The following TTC34 variants were observed in gnomAD, a reference collection of about 807,000 sequenced individuals.
The protein encoded by TTC34 is tetratricopeptide repeat protein 34.
Under a neutral mutation model 40.7 loss-of-function variants are expected in TTC34, and 44 were observed. That is an observed-to-expected ratio of 1.08 (90% CI 0.85 to 1.39). TTC34 has a LOEUF of 1.39. Ranked by LOEUF, TTC34 falls within the 40% of genes most tolerant of loss-of-function variation. The probability of loss-of-function intolerance (pLI) is 0.00; values close to 1 mark genes in which losing one functional copy is unlikely to be tolerated. For synonymous variants in TTC34, 422 were observed against 398.6 expected, an observed-to-expected ratio of 1.06 and a Z score of -0.70; for missense variants, 884 against 838.0, an observed-to-expected ratio of 1.05 and a Z score of -0.68.
chr1:2,690,421 C>A (rs1640564561), intron 6 of TTC34, among the ~76,000 whole-genome samples: 4 of 148,550 alleles, frequency 2.7e-5, no homozygotes, highest in African/African-American at 9.7e-5. Flanking sequence ...AACCCAGAAC[C>A]CCAGGCGAGC....
intron 6 of TTC34, among the ~76,000 whole-genome samples, chr1:2,757,840 G>T (rs1251654140): frequency 0.16 from 19,964 of 127,704 alleles, 907 homozygotes; most frequent in African/African-American, 0.35. Context: ...ACCCCCAGGT[G>T]CGCATCTGAT....
At chr1:2,692,416 A>G (rs1557621090) in intron 6 of TTC34, among the ~76,000 whole-genome samples, 2 of 88,274 alleles carry the variant, frequency 2.3e-5, no homozygotes, top group Non-Finnish European at 5.1e-5. Flanking sequence ...CTGGAGCAGC[A>G]CCCACACCCC....
intron 6 of TTC34, among the ~76,000 whole-genome samples, chr1:2,652,164 C>A (rs796791832): frequency 3.7e-3 from 2 of 538 alleles, no homozygotes. Context: ...ACAACCCACA[C>A]CCCCAGGTGA....
At chr1:2,655,321 C>A (rs1325638882) in intron 6 of TTC34, among the ~76,000 whole-genome samples, 3 of 7,850 alleles carry the variant, frequency 3.8e-4, no homozygotes, top group African/African-American at 1.0e-3. Context: ...CAGCCCGGAA[C>A]AGCACGCTGC....
intron 6 of TTC34, among the ~76,000 whole-genome samples, chr1:2,755,932 C>T (rs1458549993): frequency 1.3e-5 from 1 of 76,584 alleles, no homozygotes; most frequent in Non-Finnish European, 2.3e-5. Flanking sequence ...CAGCCTGGAG[C>T]AGCACCCTGC....
chr1:2,779,789 TG>T (rs1643450517), intron 6 of TTC34, among the ~76,000 whole-genome samples: 1 of 152,236 alleles, frequency 6.6e-6, no homozygotes, highest in Non-Finnish European at 1.5e-5. Flanking sequence ...CTGACAGGTG[TG>T]AGGCATATCT....
At chr1:2,677,533 C>CG (rs1639951909) in intron 6 of TTC34, among the ~76,000 whole-genome samples, 4 of 98,728 alleles carry the variant, frequency 4.1e-5, no homozygotes, top group Admixed American at 1.1e-4. Context: ...CCCACACACC[C>CG]AGGTGAGCAA....
intron 6 of TTC34, among the ~76,000 whole-genome samples, chr1:2,753,456 C>A (rs1275598267): frequency 3.4e-5 from 3 of 89,480 alleles, no homozygotes; most frequent in South Asian, 3.7e-4. Flanking sequence ...GCAGCCTGCA[C>A]CCCCAGGTGT....
intron 6 of TTC34, among the ~76,000 whole-genome samples, chr1:2,684,398 C>A (rs1467255214): frequency 2.0e-5 from 3 of 150,584 alleles, no homozygotes; most frequent in South Asian, 2.1e-4. Flanking sequence ...ATCCACACCC[C>A]CAGGTGAGCA....
At chr1:2,760,426 C>A (rs1486066343) in intron 6 of TTC34, among the ~76,000 whole-genome samples, 4,376 of 54,536 alleles carry the variant, frequency 0.08, 1,532 homozygotes, top group Middle Eastern at 0.12. Context: ...CATCTGACAG[C>A]CTGGAGCAGC....
intron 8 of TTC34, among the ~76,000 whole-genome samples, chr1:2,643,654 G>GC (rs1247887873): frequency 6.6e-6 from 1 of 152,196 alleles, no homozygotes; most frequent in Non-Finnish European, 1.5e-5. Flanking sequence ...CTTCAGCTCG[G>GC]GGGGGGCAGC....
At chr1:2,767,269 G>A (rs1229324945) in intron 6 of TTC34, among the ~76,000 whole-genome samples, 4 of 23,396 alleles carry the variant, frequency 1.7e-4, no homozygotes, top group Non-Finnish European at 1.7e-4. Flanking sequence ...ACAGCCTGGA[G>A]CAGCACCCAC....
At chr1:2,755,876 A>T (rs1641488253) in intron 6 of TTC34, among the ~76,000 whole-genome samples, 1 of 78,354 alleles carries the variant, frequency 1.3e-5, no homozygotes, top group Non-Finnish European at 2.2e-5. Flanking sequence ...TCACGCGAGC[A>T]CCTGACATCC....
chr1:2,684,978 G>T (rs1333274857), intron 6 of TTC34, among the ~76,000 whole-genome samples: 2 of 114,956 alleles, frequency 1.7e-5, no homozygotes, highest in Admixed American at 9.0e-5. Flanking sequence ...GCATCTGACA[G>T]CTTAGAACAG....
At chr1:2,789,781 C>T (rs1643640897) in exon 3 of TTC34, 2 of 545,054 alleles carry the variant, frequency 3.7e-6, no homozygotes, top group East Asian at 7.0e-5. Flanking sequence ...GCACACAGCC[C>T]CCCGGGTGCG....
At chr1:2,694,546 C>A (rs527464154) in intron 6 of TTC34, among the ~76,000 whole-genome samples, 16 of 103,970 alleles carry the variant, frequency 1.5e-4, no homozygotes, top group African/African-American at 6.2e-4. Context: ...AGTAGCACCC[C>A]ACACCCACAG....
At chr1:2,754,258 G>C (rs1641424388) in intron 6 of TTC34, among the ~76,000 whole-genome samples, 1 of 45,018 alleles carries the variant, frequency 2.2e-5, no homozygotes, top group Admixed American at 2.2e-4. Context: ...GCACCCCCAT[G>C]CCCAGGTGAG....
intron 6 of TTC34, among the ~76,000 whole-genome samples, chr1:2,646,474 T>C (rs1639023897): frequency 6.6e-6 from 1 of 152,162 alleles, no homozygotes. Context: ...AACCTTGAGC[T>C]CCTGGGCTTA....
chr1:2,749,466 C>G (rs1641246604), intron 6 of TTC34, among the ~76,000 whole-genome samples: 3 of 113,760 alleles, frequency 2.6e-5, no homozygotes, highest in South Asian at 6.0e-4. Context: ...ATCTGACGGC[C>G]TGGAACAGCA....
Sources: allele counts gnomAD v4.1 joint callset (sites outside exome capture counted in the v4.1 genomes callset), GRCh38; gene constraint gnomAD v4.1.1; transcripts MANE v1.5; gene names NCBI Gene and HGNC (gene_info 2026-07-23, HGNC 2026-07-21).